The following PAQR3 variants were observed in gnomAD, a reference collection of about 807,000 sequenced individuals.
The protein encoded by PAQR3 is Raf kinase trapping to Golgi.
A neutral mutation model predicts 41.7 loss-of-function variants in PAQR3; 39 were observed. The observed-to-expected ratio is 0.93, with a 90% CI of 0.72 to 1.22. The LOEUF (loss-of-function observed/expected upper bound fraction) is 1.22. PAQR3 is among the 50% of genes most tolerant of loss of function. PAQR3 has a pLI of 0.00. For missense variants in PAQR3, 366 were observed against 385.6 expected, an observed-to-expected ratio of 0.95 and a Z score of 0.42; for synonymous variants, 140 against 140.6, an observed-to-expected ratio of 1.00 and a Z score of 0.03.
intron 4 of PAQR3, among the ~76,000 whole-genome samples, chr4:78,924,348 G>T (rs773524001): frequency 6.6e-6 from 1 of 152,132 alleles, no homozygotes; most frequent in East Asian, 1.9e-4. Flanking sequence ...CAGATAAATG[G>T]TCCTCTTGAA....
At chr4:78,932,172 T>C (rs920237417) in intron 2 of PAQR3, among the ~76,000 whole-genome samples, 2 of 152,222 alleles carry the variant, frequency 1.3e-5, no homozygotes, top group Non-Finnish European at 2.9e-5. Context: ...CAGTATTCAA[T>C]AACAATGTAC....
At chr4:78,911,309 C>T (rs778327249), downstream of PAQR3, 5 of 1,613,956 alleles carry the variant, frequency 3.1e-6, no homozygotes, top group Admixed American at 1.7e-5. Context: ...GAGGCACATA[C>T]TATCCCTGGT....
chr4:78,904,049 G>T (rs933796855), intron 11 of PAQR3, among the ~76,000 whole-genome samples: 1 of 151,940 alleles, frequency 6.6e-6, no homozygotes. Flanking sequence ...ATGCTTTCAA[G>T]ATATAATTGG....
intron 1 of PAQR3, 39 bp from the exon 2 acceptor site, chr4:78,935,322 G>T: frequency 6.3e-7 from 1 of 1,579,428 alleles, no homozygotes; most frequent in Non-Finnish European, 8.6e-7. Flanking sequence ...ATTCACATTG[G>T]CCAACTTACT....
intron 11 of PAQR3, among the ~76,000 whole-genome samples, chr4:78,895,556 A>G (rs1271524587): frequency 6.6e-6 from 1 of 152,122 alleles, no homozygotes; most frequent in African/African-American, 2.4e-5. Context: ...TGACACCTAA[A>G]AAAAAAAGAG....
At chr4:78,911,346 C>T (rs1209684795), downstream of PAQR3, 23 of 1,613,584 alleles carry the variant, frequency 1.4e-5, no homozygotes, top group Non-Finnish European at 1.9e-5. Context: ...ATGTATTTGG[C>T]TCCACTCCAT....
chr4:78,900,443 T>C (rs1223203975), intron 11 of PAQR3, among the ~76,000 whole-genome samples: 1 of 152,128 alleles, frequency 6.6e-6, no homozygotes, highest in East Asian at 1.9e-4. Flanking sequence ...GGAGAAGGAA[T>C]AAACAGTATT....
At chr4:78,931,360 A>G (rs1411505245) in intron 2 of PAQR3, among the ~76,000 whole-genome samples, 1 of 152,026 alleles carries the variant, frequency 6.6e-6, no homozygotes, top group African/African-American at 2.4e-5. Flanking sequence ...CTGCCCCACT[A>G]TACTCCAGCC....
rs757496270 is a variant in PAQR3 at position 78,911,960 on chromosome 4, C to T, written c.*8579G>A. On this transcript the variant is annotated 3_prime_UTR_variant, in exon 6 of 6. Transcript: ENST00000512733. ...GAACTTGTGGTGCAAAGCATCACTC[C>T]ACATCAGTCCCAACAGTCCCAACCA... is the stretch of plus-strand genomic sequence containing the variant. 9 of 1,613,874 alleles carry T rather than the reference C, an allele frequency of 5.6e-6. No individual in the cohort carries two copies. The African/African-American group carries it at 1.2e-4, about 22-fold the overall frequency.
Position 78,926,503 on chromosome 4 carries a change from T to C in PAQR3, c.702+18A>G. 6.3e-7 allele frequency: 1 copy of C among 1,584,212 alleles called. No individual in the cohort carries two copies. The highest frequency in any genetic ancestry group is 8.6e-7 in the Non-Finnish European group (1 of 1,160,958). On this transcript the variant is annotated intron_variant, in intron 4 of 5. Transcript: ENST00000512733. ...AGGAAAAAAAAAAAGAGAAAAATATTAACTACACTCAACCTACCTGTACAA... is the reference window on the plus strand; with the variant it reads ...AGGAAAAAAAAAAAGAGAAAAATATCAACTACACTCAACCTACCTGTACAA...
At chr4:78,910,476 A>G (rs1357897390), downstream of PAQR3, 2 of 741,952 alleles carry the variant, frequency 2.7e-6, no homozygotes, top group African/African-American at 3.6e-5. Flanking sequence ...CGAAGAATTG[A>G]CAACATTATT....
intron 11 of PAQR3, among the ~76,000 whole-genome samples, chr4:78,900,946 G>A (rs565466791): frequency 1.4e-4 from 21 of 146,600 alleles, no homozygotes; most frequent in African/African-American, 5.7e-4. Flanking sequence ...TTAGTAGTGT[G>A]GTTTATCAAA....
At chr4:78,907,101 A>C (rs1238121971), downstream of PAQR3, among the ~76,000 whole-genome samples, 1 of 152,206 alleles carries the variant, frequency 6.6e-6, no homozygotes, top group African/African-American at 2.4e-5. Context: ...TAAATATTCT[A>C]TTGCTAAATA....
At chr4:78,931,041 G>C (rs188792357) in intron 2 of PAQR3, among the ~76,000 whole-genome samples, 120 of 151,924 alleles carry the variant, frequency 7.9e-4, no homozygotes, top group Admixed American at 7.7e-3. Context: ...GGTAAACACA[G>C]TTTTATTGCC....
intron 12 of PAQR3, among the ~76,000 whole-genome samples, chr4:78,887,791 C>G (rs1733180045): frequency 1.3e-5 from 2 of 152,068 alleles, no homozygotes; most frequent in South Asian, 4.1e-4. Context: ...CCAGTTAACA[C>G]TTGGAAGATA....
intron 4 of PAQR3, among the ~76,000 whole-genome samples, 182 bp downstream of exon 4, chr4:78,926,339 C>T (rs184294646): frequency 7.9e-5 from 12 of 152,170 alleles, no homozygotes; most frequent in Admixed American, 2.6e-4. Flanking sequence ...GATTTTACCT[C>T]GACTTCTGCA....
Position 78,918,763 on chromosome 4 carries a change from C to T in PAQR3, c.*1776G>A, listed in dbSNP as rs1380530171. The T allele has an allele frequency of 1.0e-6, 1 of 982,938 alleles. No homozygotes were observed. The allele number at this position is 982,938 out of a possible 1,614,324, so 60.9% of individuals were successfully genotyped here. A position where few individuals can be genotyped will look rare whatever the true frequency, so the allele number is the denominator to read the frequency against. ...CCACACCTAAAATAATGATTTTCCC[C>T]TCATTTTTAACTTAAGTGTAACTAC... On this transcript the variant is annotated 3_prime_UTR_variant, in exon 6 of 6. Transcript: ENST00000512733.
chr4:78,923,806 G>T, intron 5 of PAQR3, 51 bp downstream of exon 5: 1 of 1,167,680 alleles, frequency 8.6e-7, no homozygotes, highest in South Asian at 1.2e-5. Flanking sequence ...CATATACCTT[G>T]GGCATATATT....
chr4:78,936,348 T>G (rs1156629072), intron 1 of PAQR3, among the ~76,000 whole-genome samples: 1 of 152,232 alleles, frequency 6.6e-6, no homozygotes, highest in Non-Finnish European at 1.5e-5. Flanking sequence ...ATAATGACAT[T>G]GACATATAAC....
Sources: gnomAD v4.1 joint callset for allele counts (sites outside exome capture counted in the v4.1 genomes callset) on GRCh38, gnomAD v4.1.1 for gene constraint, MANE v1.5 for transcripts, NCBI Gene and HGNC (gene_info 2026-07-23, HGNC 2026-07-21) for gene names.